The following NOTCH2 variants were observed in gnomAD, a reference collection of about 807,000 sequenced individuals.
NOTCH2 encodes the protein neurogenic locus notch homolog protein 2.
A neutral mutation model predicts 235.8 loss-of-function variants in NOTCH2; 29 were observed. The ratio of observed to expected loss-of-function variants is 0.12; its 90% confidence interval spans 0.09 to 0.17. The LOEUF (loss-of-function observed/expected upper bound fraction) is 0.17. Among genes scored for constraint, NOTCH2 ranks in the 10% least tolerant of loss-of-function variants. The probability of loss-of-function intolerance (pLI) is 1.00; values close to 1 mark genes in which losing one functional copy is unlikely to be tolerated. For missense variants in NOTCH2, 2,285 were observed against 3,150.2 expected (o/e 0.73, Z 6.57); for synonymous variants, 1,086 against 1,141.5 (o/e 0.95, Z 0.98).
rs79527774 is a variant in NOTCH2 at position 119,936,138 on chromosome 1, G to A, written c.3523-534C>T. 3.0e-3 allele frequency among the ~76,000 whole-genome samples: 456 copies of A among 152,256 alleles called. 9 individuals are homozygous for A. In the East Asian group the frequency reaches 0.073, roughly 24 times the overall value. On this transcript the variant is annotated intron_variant, in intron 21 of 33. Coordinates refer to ENST00000256646, the MANE Select transcript of NOTCH2 (RefSeq NM_024408.4). ...GCTGTAGGGGTTGGAAGGATTTCAG[G>A]GCTGACCAAGAAAAAAGATATGGCT...
At chr1:119,966,033 C>T (rs1157327403) in intron 9 of NOTCH2, among the ~76,000 whole-genome samples, 2 of 152,132 alleles carry the variant, frequency 1.3e-5, no homozygotes, top group East Asian at 1.9e-4. Context: ...AAATAACAGT[C>T]TCACAGAGGG....
In NOTCH2 at chr1:120,005,393, A is replaced by G; in HGVS notation, c.351T>C (p.Asn117=). The G allele has an allele frequency of 6.2e-7, 1 of 1,614,042 alleles. No homozygotes were observed. Among genetic ancestry groups the G allele is most frequent in the Non-Finnish European group, 8.5e-7 (1 of 1,179,874 alleles). ...GGCTGAGCATATGGCATGTGCCGCC[A>G]TTCAGGCAGGGTCGAGACACAAAGC... ...HPCFVSRPCL[N]GGTCHMLSRD... Residue 117 remains asparagine, a synonymous_variant, in exon 3 of 34, where the codon AAT becomes AAC. Coordinates refer to ENST00000256646, the MANE Select transcript of NOTCH2 (RefSeq NM_024408.4).
At chr1:120,068,552 G>T (rs1553217467) in intron 1 of NOTCH2, among the ~76,000 whole-genome samples, 2 of 95,526 alleles carry the variant, frequency 2.1e-5, no homozygotes, top group Admixed American at 1.1e-4. Flanking sequence ...AGCAGCAAAT[G>T]CTGCTGCCAG....
Position 119,912,253 on chromosome 1 carries a change from T to C in NOTCH2, c.*3053A>G, listed in dbSNP as rs145452236. 396 of 233,350 alleles carry C rather than the reference T, an allele frequency of 1.7e-3. 3 individuals are homozygous for C. Among genetic ancestry groups the C allele is most frequent in the African/African-American group, 8.0e-3 (362 of 45,436 alleles). The allele number at this position is 233,350 out of a possible 1,614,324, so 14.5% of individuals were successfully genotyped here. A position where few individuals can be genotyped will look rare whatever the true frequency, so the allele number is the denominator to read the frequency against. On this transcript the variant is annotated 3_prime_UTR_variant, in exon 34 of 34. Transcript: ENST00000256646. ...TATAATATCACTTTTAAGAGAAATGTACACAAGGAAGTAACCATAGTACCA... is the reference window on the plus strand; with the variant it reads ...TATAATATCACTTTTAAGAGAAATGCACACAAGGAAGTAACCATAGTACCA...
chr1:120,008,643 GA>G (rs1177697549), intron 2 of NOTCH2, among the ~76,000 whole-genome samples: 6 of 138,810 alleles, frequency 4.3e-5, no homozygotes, highest in Non-Finnish European at 9.4e-5. Flanking sequence ...GCCAACTTCT[GA>G]GTAGAGAACA....
In NOTCH2 at chr1:119,963,470, G is replaced by A. The variant is rs1199370699; in HGVS notation, c.1915+104C>T. 5.6e-6 allele frequency: 6 copies of A among 1,078,158 alleles called. No homozygotes were observed. In the East Asian group the frequency reaches 9.4e-5, roughly 17 times the overall value. The allele number at this position is 1,078,158 out of a possible 1,614,324, so 66.8% of individuals were successfully genotyped here. A position where few individuals can be genotyped will look rare whatever the true frequency, so the allele number is the denominator to read the frequency against. On this transcript the variant is annotated intron_variant, in intron 11 of 33. Coordinates refer to ENST00000256646, the MANE Select transcript of NOTCH2 (RefSeq NM_024408.4). ...GGCTGTGCTTCTCAGAATCAGGACT[G>A]TTTTTTAGGTATCTGAGCATATGCC...
chr1:120,031,129 A>C (rs1457103770), intron 1 of NOTCH2, among the ~76,000 whole-genome samples: 2 of 151,398 alleles, frequency 1.3e-5, no homozygotes, highest in African/African-American at 4.9e-5. Flanking sequence ...TCTATGCATA[A>C]ATTGTGCAAG....
intron 19 of NOTCH2, among the ~76,000 whole-genome samples, chr1:119,939,389 C>T (rs1165273366): frequency 6.6e-6 from 1 of 152,200 alleles, no homozygotes; most frequent in Non-Finnish European, 1.5e-5. Context: ...TATAGCCACC[C>T]TGTAATGCTA....
At chr1:119,918,308 G>T in intron 32 of NOTCH2, 98 bp downstream of exon 32, 4 of 1,307,158 alleles carry the variant, frequency 3.1e-6, no homozygotes, top group South Asian at 1.2e-5. Context: ...TCACGTATTT[G>T]GATCTCAGGC....
At chr1:119,917,528 G>A (rs1557802893) in intron 33 of NOTCH2, 137 bp downstream of exon 33, 5 of 732,714 alleles carry the variant, frequency 6.8e-6, no homozygotes, top group South Asian at 1.4e-5. Context: ...TCAAGCTCTC[G>A]AAACCCAGTG....
At chr1:119,960,317 G>A (rs1246288647) in intron 11 of NOTCH2, among the ~76,000 whole-genome samples, 1 of 151,862 alleles carries the variant, frequency 6.6e-6, no homozygotes, top group Admixed American at 6.6e-5. Context: ...TAAATTTCAG[G>A]ATAAATCTTG....
chr1:119,937,737 T>A, intron 20 of NOTCH2, 120 bp downstream of exon 20: 2 of 1,123,952 alleles, frequency 1.8e-6, no homozygotes, highest in Non-Finnish European at 2.6e-6. Context: ...CCCAGAGCCC[T>A]GCCCACCCAC....
At chr1:119,944,137 GA>G (rs1160197596) in intron 17 of NOTCH2, among the ~76,000 whole-genome samples, 2 of 151,912 alleles carry the variant, frequency 1.3e-5, no homozygotes, top group Admixed American at 1.3e-4. Context: ...AAAAACTTTT[GA>G]AAAAAATAAT....
chr1:120,047,594 G>GAA (rs1268175605), intron 1 of NOTCH2, among the ~76,000 whole-genome samples: 4 of 121,638 alleles, frequency 3.3e-5, no homozygotes, highest in African/African-American at 1.4e-4. Flanking sequence ...TAAGGCAGGA[G>GAA]AATCGCTTGA....
chr1:119,969,410 T>C (rs1651276018), intron 6 of NOTCH2, 101 bp downstream of exon 6: 1 of 965,464 alleles, frequency 1.0e-6, no homozygotes, highest in Non-Finnish European at 1.6e-6. Context: ...TTCCCATAGA[T>C]GGTAACTCAA....
At chr1:119,938,704 G>A (rs1313208989) in intron 19 of NOTCH2, among the ~76,000 whole-genome samples, 4 of 150,106 alleles carry the variant, frequency 2.7e-5, no homozygotes, top group East Asian at 2.0e-4. Flanking sequence ...TTTTTGAGAC[G>A]GAGTCTCACT....
At chr1:119,919,118 C>T (rs778964730) in intron 31 of NOTCH2, among the ~76,000 whole-genome samples, 194 bp downstream of exon 31, 4 of 152,200 alleles carry the variant, frequency 2.6e-5, no homozygotes, top group Non-Finnish European at 5.9e-5. Context: ...CTATCACTAT[C>T]TTCCTATATA....
chr1:119,939,823 C>T (rs1650000832), intron 19 of NOTCH2, among the ~76,000 whole-genome samples: 1 of 152,208 alleles, frequency 6.6e-6, no homozygotes, highest in Non-Finnish European at 1.5e-5. Context: ...GAGGTGGGTG[C>T]TCACATGTCT....
At chr1:119,978,390 G>C (rs989746205) in intron 5 of NOTCH2, among the ~76,000 whole-genome samples, 1 of 152,142 alleles carries the variant, frequency 6.6e-6, no homozygotes, top group Non-Finnish European at 1.5e-5. Context: ...GCAAAGAAAT[G>C]ACTCGATCCA....
Sources: allele counts gnomAD v4.1 joint callset (sites outside exome capture counted in the v4.1 genomes callset), GRCh38; gene constraint gnomAD v4.1.1; transcripts MANE v1.5; gene names NCBI Gene and HGNC (gene_info 2026-07-23, HGNC 2026-07-21).